Variants in ADAMTS17 observed in about 807,000 individuals in gnomAD.
ADAMTS17 encodes the protein ADAM metallopeptidase with thrombospondin type 1 motif 17.
Under a neutral mutation model 141.5 loss-of-function variants are expected in ADAMTS17, and 113 were observed. The observed-to-expected ratio is 0.80, with a 90% CI of 0.69 to 0.93. ADAMTS17 has a LOEUF of 0.93. ADAMTS17 is among the 40% of genes least tolerant of loss of function. The probability of loss-of-function intolerance (pLI) is 0.00; values close to 1 mark genes in which losing one functional copy is unlikely to be tolerated. For missense variants in ADAMTS17, 1,659 were observed against 1,517.9 expected (o/e 1.09, Z -1.54); for synonymous variants, 768 against 630.6 (o/e 1.22, Z -3.27).
Position 99,992,419 on chromosome 15 carries a change from G to A in ADAMTS17, c.2949+629C>T, listed in dbSNP as rs570630649. ...AAAACCCACTAGAAGGTTCTTACAG[G>A]TGGCAGTGGGGCTCACCTTGGTCCC... On this transcript the variant is annotated intron_variant, in intron 20 of 21. Coordinates refer to ENST00000268070, the MANE Select transcript of ADAMTS17 (RefSeq NM_139057.4). Among the ~76,000 whole-genome samples the A allele has an allele frequency of 2.6e-5, 4 of 152,318 alleles. No homozygotes were observed. In the East Asian group the frequency reaches 7.7e-4, roughly 29 times the overall value.
rs756303992 is a variant in ADAMTS17, at chr15:100,096,366, G to A, written c.2127C>T (p.Ala709=). Residue 709 remains alanine (A), a synonymous_variant, in exon 15 of 22, where the codon GCC becomes GCT. Transcript: ENST00000268070. Reference sequence around the variant, plus strand: ...TGGGCCAACACTCACCTGTCCCCCGGGCGTGGCTGAAGTCGCCCTTCACCA... The same window carrying A: ...TGGGCCAACACTCACCTGTCCCCCGAGCGTGGCTGAAGTCGCCCTTCACCA... ...CHLVKGDFSH[A]RGTALKDSGK... The A allele has an allele frequency of 1.9e-6, 3 of 1,613,792 alleles. No individual in the cohort carries two copies. The highest frequency in any genetic ancestry group is 2.5e-6 in the Non-Finnish European group (3 of 1,180,036).
intron 2 of ADAMTS17, among the ~76,000 whole-genome samples, chr15:100,331,991 T>C (rs2046067849): frequency 6.6e-6 from 1 of 152,198 alleles, no homozygotes; most frequent in South Asian, 2.1e-4. Flanking sequence ...CAGCTCTACG[T>C]TCTGAAAGGA....
At chr15:100,067,981 G>A (rs2033669894) in intron 15 of ADAMTS17, among the ~76,000 whole-genome samples, 1 of 152,206 alleles carries the variant, frequency 6.6e-6, no homozygotes. Context: ...AGCGCAAGGG[G>A]TCAGGGAATT....
chr15:100,314,712 A>G (rs1316596583), intron 3 of ADAMTS17, among the ~76,000 whole-genome samples: 5 of 152,206 alleles, frequency 3.3e-5, no homozygotes. Flanking sequence ...GAGAACATGG[A>G]CAGGCATCGT....
intron 8 of ADAMTS17, among the ~76,000 whole-genome samples, chr15:100,178,582 G>A (rs1269369809): frequency 1.3e-5 from 2 of 152,064 alleles, no homozygotes; most frequent in East Asian, 3.8e-4. Flanking sequence ...CCATTCTGTT[G>A]TTCTTTTACT....
intron 3 of ADAMTS17, among the ~76,000 whole-genome samples, chr15:100,317,963 G>C (rs904155957): frequency 6.6e-6 from 1 of 152,142 alleles, no homozygotes; most frequent in Non-Finnish European, 1.5e-5. Context: ...CCTGTGAATG[G>C]GACATGTGCT....
At chr15:100,052,620 A>C (rs2032236047) in intron 16 of ADAMTS17, among the ~76,000 whole-genome samples, 1 of 152,214 alleles carries the variant, frequency 6.6e-6, no homozygotes, top group Non-Finnish European at 1.5e-5. Context: ...TAACAGGTGA[A>C]GTTTCAGTAC....
chr15:100,324,091 G>A (rs2045823467), intron 3 of ADAMTS17, among the ~76,000 whole-genome samples: 2 of 150,900 alleles, frequency 1.3e-5, no homozygotes, highest in Non-Finnish European at 2.9e-5. Context: ...GATCACCTGA[G>A]GTCAGGAGTT....
In ADAMTS17 at chr15:100,330,809, G is replaced by A. The variant is rs148842553; in HGVS notation, c.616+80C>T. The A allele has an allele frequency of 4.3e-3, 6,642 of 1,556,268 alleles. 25 individuals carry two copies. The highest frequency in any genetic ancestry group is 5.2e-3 in the Non-Finnish European group (5,890 of 1,135,820). On this transcript the variant is annotated intron_variant, in intron 3 of 21. Transcript: ENST00000268070. ...GGGAAGGTAAGTTCTCACTCATGTG[G>A]CTTCAGTGCACTTGGAGACACACAA... is the stretch of plus-strand genomic sequence containing the variant.
chr15:100,058,620 G>C (rs954715527), intron 15 of ADAMTS17, among the ~76,000 whole-genome samples: 12 of 152,238 alleles, frequency 7.9e-5, no homozygotes, highest in African/African-American at 2.9e-4. Flanking sequence ...GTGGCGGCTG[G>C]CCTGGGGAAG....
chr15:99,980,650 T>A (rs2060465610), intron 20 of ADAMTS17: 1 of 152,248 alleles, frequency 6.6e-6, no homozygotes, highest in Non-Finnish European at 1.5e-5. Flanking sequence ...GTTAAGGGGC[T>A]CAGCCCTGCA....
intron 15 of ADAMTS17, among the ~76,000 whole-genome samples, chr15:100,063,357 T>A (rs543701381): frequency 6.6e-6 from 1 of 152,336 alleles, no homozygotes; most frequent in South Asian, 2.1e-4. Flanking sequence ...TGCTCTCAGC[T>A]CTCCTGGGGT....
chr15:100,055,994 C>T (rs1209101553), intron 15 of ADAMTS17, among the ~76,000 whole-genome samples: 1 of 152,160 alleles, frequency 6.6e-6, no homozygotes, highest in African/African-American at 2.4e-5. Context: ...TTTCAATTCC[C>T]ATTTCTTTAG....
intron 20 of ADAMTS17, among the ~76,000 whole-genome samples, chr15:99,985,485 C>T (rs555064272): frequency 6.6e-6 from 1 of 152,334 alleles, no homozygotes; most frequent in East Asian, 1.9e-4. Context: ...AAGAGATTTA[C>T]ACTAAAGTGT....
chr15:100,083,923 G>A (rs961968692), intron 15 of ADAMTS17, among the ~76,000 whole-genome samples: 1 of 151,938 alleles, frequency 6.6e-6, no homozygotes, highest in Non-Finnish European at 1.5e-5. Flanking sequence ...GAGCGATGAA[G>A]AAGACGGGTG....
rs543964487 is a variant in ADAMTS17 at position 100,135,471 on chromosome 15, G to C, written c.1474-2156C>G. The stretch of plus-strand genomic sequence containing the variant: ...GCTAATTTTTTGTATTTTTAGTAGA[G>C]ACGGGGTTTCAGCGTGTTAGCCAGG... On this transcript the variant is annotated intron_variant, in intron 10 of 21. Transcript: ENST00000268070. Among the ~76,000 whole-genome samples, 24 of 152,090 alleles carry C rather than the reference G, an allele frequency of 1.6e-4. No homozygotes were observed. In the East Asian group the frequency reaches 2.7e-3, roughly 17 times the overall value.
intron 20 of ADAMTS17, among the ~76,000 whole-genome samples, chr15:99,986,208 T>C (rs2060583017): frequency 6.6e-6 from 1 of 152,218 alleles, no homozygotes; most frequent in African/African-American, 2.4e-5. Context: ...AGAGATGGTG[T>C]GTCCACATTG....
At chr15:100,188,873 G>T (rs2141577964) in intron 8 of ADAMTS17, among the ~76,000 whole-genome samples, 1 of 152,310 alleles carries the variant, frequency 6.6e-6, no homozygotes, top group East Asian at 1.9e-4. Context: ...CAAAGCCAGG[G>T]TATGAAAGCT....
At chr15:100,054,076 A>G in intron 15 of ADAMTS17, 22 bp from the exon 16 acceptor site, 1 of 1,614,146 alleles carries the variant, frequency 6.2e-7, no homozygotes, top group African/African-American at 1.3e-5. Context: ...GTTGAAGACC[A>G]AAGAATCAAG....
Sources: gnomAD v4.1 joint callset for allele counts (sites outside exome capture counted in the v4.1 genomes callset) on GRCh38, gnomAD v4.1.1 for gene constraint, MANE v1.5 for transcripts, NCBI Gene and HGNC (gene_info 2026-07-23, HGNC 2026-07-21) for gene names.